Variants in NFX1 observed in about 807,000 individuals in gnomAD.
The protein encoded by NFX1 is transcriptional repressor NF-X1.
Under a neutral mutation model 137.2 loss-of-function variants are expected in NFX1, and 69 were observed. The ratio of observed to expected loss-of-function variants is 0.50; its 90% CI spans 0.41 to 0.61. NFX1 has a LOEUF of 0.61. Ranked by LOEUF, NFX1 falls within the 20% of genes least tolerant of loss-of-function variation. NFX1 has a pLI of 0.00. For missense variants in NFX1, 1,167 were observed against 1,391.0 expected, an observed-to-expected ratio of 0.84 and a Z score of 2.56; for synonymous variants, 495 against 474.1, an observed-to-expected ratio of 1.04 and a Z score of -0.57.
At chr9:33,306,913 A>G (rs1397932113) in intron 4 of NFX1, among the ~76,000 whole-genome samples, 1 of 152,232 alleles carries the variant, frequency 6.6e-6, no homozygotes, top group Non-Finnish European at 1.5e-5. Context: ...ATCTTAAATT[A>G]AACGTTTCCA....
intron 2 of NFX1, among the ~76,000 whole-genome samples, chr9:33,296,719 G>GT (rs774292124): frequency 3.3e-5 from 5 of 152,174 alleles, no homozygotes; most frequent in African/African-American, 4.8e-5. Flanking sequence ...GCAAGACCCT[G>GT]TTTTGCGGGG....
intron 5 of NFX1, among the ~76,000 whole-genome samples, chr9:33,308,779 A>G (rs967568822): frequency 3.9e-5 from 6 of 152,190 alleles, no homozygotes; most frequent in African/African-American, 1.4e-4. Flanking sequence ...TACTTTTACT[A>G]CCCAAATCTA....
intron 17 of NFX1, 88 bp from the exon 18 acceptor site, chr9:33,353,998 C>A: frequency 7.9e-7 from 1 of 1,273,314 alleles, no homozygotes. Context: ...CCTAGATTTG[C>A]TTTTAAAGAG....
At chr9:33,341,556 T>G (rs1160313017) in intron 12 of NFX1, among the ~76,000 whole-genome samples, 1 of 152,146 alleles carries the variant, frequency 6.6e-6, no homozygotes, top group Non-Finnish European at 1.5e-5. Context: ...TTTTTTAAAT[T>G]TATATATTTA....
chr9:33,319,346 G>A (rs1312177462), intron 9 of NFX1, among the ~76,000 whole-genome samples: 3 of 152,022 alleles, frequency 2.0e-5, no homozygotes, highest in Non-Finnish European at 4.4e-5. Context: ...GTATTTTATT[G>A]TTAACTCTGG....
At chr9:33,343,224 A>G (rs1564135672) in intron 13 of NFX1, among the ~76,000 whole-genome samples, 1 of 152,196 alleles carries the variant, frequency 6.6e-6, no homozygotes, top group Non-Finnish European at 1.5e-5. Context: ...AAACTATCCT[A>G]AAGAGTCATT....
chr9:33,303,228 T>C lies in NFX1; in HGVS notation c.1230T>C (p.Asn410=), dbSNP rs141426893. The C allele has an allele frequency of 5.3e-5, 86 of 1,614,068 alleles. No individual in the cohort carries two copies. Among genetic ancestry groups the C allele is most frequent in the Middle Eastern group, 3.3e-4 (2 of 6,084 alleles). ...GTTGGAGGTGCCCTGCCTGTCAGAA[T>C]GTTTCTGCACATGTTCCTAATACCT... ...QSGWRCPACQ[N]VSAHVPNTYT... The change falls in exon 4 of 24, where the codon AAT becomes AAC. Residue 410 remains asparagine, a synonymous_variant. Transcript: ENST00000379540.
intron 10 of NFX1, among the ~76,000 whole-genome samples, chr9:33,330,876 C>A (rs557584836): frequency 3.0e-4 from 46 of 152,022 alleles, no homozygotes; most frequent in African/African-American, 1.0e-3. Context: ...AAAAAAAAAA[C>A]TCTTCAAAAA....
intron 7 of NFX1, among the ~76,000 whole-genome samples, chr9:33,317,112 A>G (rs1236130762): frequency 6.6e-6 from 1 of 152,158 alleles, no homozygotes; most frequent in Non-Finnish European, 1.5e-5. Context: ...AATGAGTTTT[A>G]GAACGGGGGA....
At chr9:33,341,398 C>T (rs976884723) in intron 12 of NFX1, among the ~76,000 whole-genome samples, 4 of 152,140 alleles carry the variant, frequency 2.6e-5, no homozygotes, top group Non-Finnish European at 5.9e-5. Flanking sequence ...CTACCAGGTC[C>T]TTCCTACAAC....
chr9:33,367,698 C>G (rs554830058), intron 23 of NFX1, 79 bp downstream of exon 23: 1 of 1,408,352 alleles, frequency 7.1e-7, no homozygotes, highest in South Asian at 1.2e-5. Flanking sequence ...CTGAGCTGCA[C>G]CAGCCATTGG....
intron 11 of NFX1, among the ~76,000 whole-genome samples, chr9:33,334,139 C>T (rs1009360130): frequency 2.0e-5 from 3 of 151,804 alleles, no homozygotes; most frequent in African/African-American, 7.3e-5. Context: ...AGTGAGACTC[C>T]GTATCAAAAA....
intron 7 of NFX1, among the ~76,000 whole-genome samples, chr9:33,315,323 C>T (rs761260477): frequency 6.6e-6 from 1 of 152,020 alleles, no homozygotes; most frequent in Non-Finnish European, 1.5e-5. Flanking sequence ...GTTACCCAGT[C>T]GCTGATTAAA....
At chr9:33,368,094 G>A (rs1346798843) in intron 23 of NFX1, among the ~76,000 whole-genome samples, 1 of 152,292 alleles carries the variant, frequency 6.6e-6, no homozygotes, top group East Asian at 1.9e-4. Context: ...AAGTAGCCGG[G>A]TGTGGTGGCG....
chr9:33,325,072 A>C (rs542246324), intron 9 of NFX1, among the ~76,000 whole-genome samples: 5 of 152,332 alleles, frequency 3.3e-5, no homozygotes, highest in African/African-American at 9.6e-5. Flanking sequence ...AGGAGAGTAG[A>C]AAGAAGTGGA....
intron 1 of NFX1, among the ~76,000 whole-genome samples, chr9:33,291,795 C>T (rs898067512): frequency 6.6e-6 from 1 of 152,144 alleles, no homozygotes; most frequent in Non-Finnish European, 1.5e-5. Flanking sequence ...CCCAGCTACT[C>T]CGGAGGCTGA....
intron 1 of NFX1, 86 bp downstream of exon 1, chr9:33,290,683 A>T: frequency 1.5e-6 from 2 of 1,366,870 alleles, no homozygotes; most frequent in Non-Finnish European, 2.0e-6. Flanking sequence ...TCAGCCACTC[A>T]TATCGCGAGA....
At chr9:33,364,547 G>A (rs1587882529) in intron 20 of NFX1, among the ~76,000 whole-genome samples, 161 bp from the exon 21 acceptor site, 1 of 151,918 alleles carries the variant, frequency 6.6e-6, no homozygotes, top group Non-Finnish European at 1.5e-5. Context: ...TTTCTCTTTT[G>A]TTCTTCCGTC....
At chr9:33,327,098 T>G (rs1214796765) in intron 9 of NFX1, among the ~76,000 whole-genome samples, 1 of 152,184 alleles carries the variant, frequency 6.6e-6, no homozygotes, top group Non-Finnish European at 1.5e-5. Flanking sequence ...ACATGAGACT[T>G]ACAGAAAACT....
Sources: gnomAD v4.1 joint callset for allele counts (sites outside exome capture counted in the v4.1 genomes callset) on GRCh38, gnomAD v4.1.1 for gene constraint, MANE v1.5 for transcripts, NCBI Gene and HGNC (gene_info 2026-07-23, HGNC 2026-07-21) for gene names.